The following AGL variants were observed in gnomAD, a reference collection of about 807,000 sequenced individuals.
The protein encoded by AGL is amylo-alpha-1,6-glucosidase and 4-alpha-glucanotransferase.
Under a neutral mutation model 199.3 loss-of-function variants are expected in AGL, and 128 were observed. That is an observed-to-expected ratio of 0.64 (90% confidence interval 0.56 to 0.74). AGL has a LOEUF of 0.74. Among genes scored for constraint, AGL ranks in the 30% least tolerant of loss-of-function variants. The pLI is 0.00. For missense variants in AGL, 1,809 were observed against 1,820.8 expected, an observed-to-expected ratio of 0.99 and a Z score of 0.12; for synonymous variants, 584 against 594.7, an observed-to-expected ratio of 0.98 and a Z score of 0.26.
At chr1:99,864,648 A>T in intron 5 of AGL, 59 bp downstream of exon 5, 1 of 1,391,020 alleles carries the variant, frequency 7.2e-7, no homozygotes, top group Non-Finnish European at 1.0e-6. Context: ...ACACACACAT[A>T]TACACACAAA....
intron 1 of AGL, chr1:99,850,752 G>A (rs1461732383): frequency 5.3e-6 from 2 of 376,914 alleles, no homozygotes; most frequent in East Asian, 1.2e-4. Context: ...TTAATTGTAA[G>A]AATCTGTAAT....
intron 21 of AGL, 34 bp from the exon 22 acceptor site, chr1:99,891,186 A>G (rs1440303315): frequency 1.9e-6 from 3 of 1,612,878 alleles, no homozygotes; most frequent in Non-Finnish European, 2.5e-6. Context: ...TGATGCTACC[A>G]ATAATACAGC....
chr1:99,856,264 C>T (rs1649405414), intron 2 of AGL, among the ~76,000 whole-genome samples: 1 of 150,936 alleles, frequency 6.6e-6, no homozygotes. Flanking sequence ...GCTGATATAT[C>T]TATTGGGCTA....
chr1:99,877,445 T>C (rs1651638962), intron 11 of AGL, among the ~76,000 whole-genome samples, 196 bp from the exon 12 acceptor site: 1 of 151,974 alleles, frequency 6.6e-6, no homozygotes, highest in Admixed American at 6.6e-5. Flanking sequence ...TAAGCTAGAG[T>C]TTTTTCAGAA....
intron 2 of AGL, among the ~76,000 whole-genome samples, chr1:99,852,037 TC>T (rs1648993013): frequency 6.6e-6 from 1 of 152,168 alleles, no homozygotes; most frequent in Non-Finnish European, 1.5e-5. Context: ...GATTTTTTTT[TC>T]CCCCTCCCCT....
Position 99,921,868 on chromosome 1 carries a change from G to A in AGL, c.*217G>A. 1 of 353,966 alleles carries A rather than the reference G, an allele frequency of 2.8e-6. No individual in the cohort carries two copies. Among genetic ancestry groups the A allele is most frequent in the African/African-American group, 2.1e-5 (1 of 47,574 alleles). 21.9% of individuals were successfully genotyped at this position (353,966 alleles called of 1,614,324 possible). A position where few individuals can be genotyped will look rare whatever the true frequency, so the allele number is the denominator to read the frequency against. On this transcript the variant is annotated 3_prime_UTR_variant, in exon 34 of 34. Transcript: ENST00000361915. ...AAAGAAATATCATTACCAATGAAAT[G>A]TGTTTGAGTTCAGTAAGAATTATTC...
intron 24 of AGL, among the ~76,000 whole-genome samples, chr1:99,895,248 C>G (rs1202736610): frequency 6.6e-6 from 1 of 152,076 alleles, no homozygotes; most frequent in African/African-American, 2.4e-5. Context: ...TGGGGTTTCA[C>G]CATGTTGGCC....
In AGL at chr1:99,870,391, T is replaced by C. The variant is rs373354556; in HGVS notation, c.665-9T>C. The stretch of plus-strand genomic sequence containing the variant: ...TGAGATACTCCTTTGTGTCTCCTTT[T>C]TCCTTCAGCTGCTAATAGTAAATGG... On this transcript the variant is annotated splice_polypyrimidine_tract_variant and intron_variant, in intron 5 of 33. Coordinates refer to ENST00000361915, the MANE Select transcript of AGL (RefSeq NM_000642.3). 4.1e-5 allele frequency: 66 copies of C among 1,613,312 alleles called. 1 individual carries two copies. The South Asian group carries it at 4.4e-4, about 11-fold the overall frequency.
At chr1:99,859,354 G>GTT (rs3834029) in intron 2 of AGL, among the ~76,000 whole-genome samples, 4 of 144,344 alleles carry the variant, frequency 2.8e-5, no homozygotes, top group Non-Finnish European at 6.1e-5. Flanking sequence ...TTTTTTCTGT[G>GTT]TTTTTTTTTT....
chr1:99,910,884 T>G, intron 28 of AGL, 37 bp downstream of exon 28: 1 of 1,598,632 alleles, frequency 6.3e-7, no homozygotes, highest in Non-Finnish European at 8.6e-7. Flanking sequence ...AATTATACCC[T>G]TCTTTAAGAA....
At chr1:99,885,219 A>G (rs1652367481) in intron 20 of AGL, among the ~76,000 whole-genome samples, 1 of 152,210 alleles carries the variant, frequency 6.6e-6, no homozygotes, top group Non-Finnish European at 1.5e-5. Context: ...AGAAGAATAT[A>G]GGTTTTGAGG....
rs149556091 is a variant in AGL, at chr1:99,890,650, AATAT to A, written c.2813-558_2813-555del. On this transcript the variant is annotated intron_variant, in intron 21 of 33. Transcript: ENST00000361915. ...AGACTAGAAGGATTAAGAAAAAAAAAATATATATATATATACCTCATTTTGATAC... is the reference window on the plus strand; with the variant it reads ...AGACTAGAAGGATTAAGAAAAAAAAAATATATATATACCTCATTTTGATAC... 6.2e-4 allele frequency among the ~76,000 whole-genome samples: 47 copies of A among 76,072 alleles called. 1 individual carries two copies. Among genetic ancestry groups the A allele is most frequent in the Middle Eastern group, 5.5e-3 (1 of 182 alleles). 49.9% of individuals were successfully genotyped at this position (76,072 alleles called of 152,430 possible). A position where few individuals can be genotyped will look rare whatever the true frequency, so the allele number is the denominator to read the frequency against.
intron 12 of AGL, among the ~76,000 whole-genome samples, chr1:99,879,632 A>C (rs1374061572): frequency 6.6e-6 from 1 of 151,972 alleles, no homozygotes; most frequent in Admixed American, 6.6e-5. Context: ...CAGGGAGAAA[A>C]CCTAACAGAA....
upstream of AGL, among the ~76,000 whole-genome samples, chr1:99,849,916 T>C (rs1346235116): frequency 6.6e-6 from 1 of 152,200 alleles, no homozygotes; most frequent in Non-Finnish European, 1.5e-5. Flanking sequence ...CGCAGGCTGT[T>C]AAAGGAAGGC....
chr1:99,896,134 C>T (rs1256993899), intron 24 of AGL, 152 bp from the exon 25 acceptor site: 6 of 673,118 alleles, frequency 8.9e-6, no homozygotes, highest in African/African-American at 1.8e-5. Context: ...TATAGACATA[C>T]ATTTTGCAAA....
At chr1:99,861,280 C>T in intron 2 of AGL, 1 of 1,391,802 alleles carries the variant, frequency 7.2e-7, no homozygotes, top group Non-Finnish European at 9.3e-7. Flanking sequence ...GAGAAAGAGA[C>T]ATTACAGAGC....
At position 99,910,859 on chromosome 1, in the gene AGL, G is replaced by A. The variant is rs779558283; in HGVS notation, c.3836+12G>A. On this transcript the variant is annotated intron_variant, in intron 28 of 33. Transcript: ENST00000361915. ...CCAGCCACACCAAGGTAGTGTAAAT[G>A]TTATAATGCTGTGTAATTATACCCT... is the stretch of plus-strand genomic sequence containing the variant. The A allele has an allele frequency of 4.3e-6, 7 of 1,610,398 alleles. No individual in the cohort carries two copies. In the East Asian group the frequency reaches 1.6e-4, roughly 36 times the overall value.
At chr1:99,879,584 CAATAAATA>C (rs199927371) in intron 12 of AGL, among the ~76,000 whole-genome samples, 54 of 151,162 alleles carry the variant, frequency 3.6e-4, no homozygotes, top group African/African-American at 1.3e-3. Context: ...AACTTGGTCT[CAATAAATA>C]AATAAATAAA....
At chr1:99,876,431 A>T (rs1490181515) in intron 10 of AGL, 27 bp from the exon 11 acceptor site, 1 of 1,483,882 alleles carries the variant, frequency 6.7e-7, no homozygotes, top group East Asian at 2.5e-5. Context: ...CTTTGTATGG[A>T]TTTAATATTT....
Sources: gnomAD v4.1 joint callset for allele counts (sites outside exome capture counted in the v4.1 genomes callset) on GRCh38, gnomAD v4.1.1 for gene constraint, MANE v1.5 for transcripts, NCBI Gene and HGNC (gene_info 2026-07-23, HGNC 2026-07-21) for gene names.